The following NTM variants were observed in gnomAD, a reference collection of about 807,000 sequenced individuals.
NTM encodes the protein IgLON family member 2.
In NTM, 13 loss-of-function variants were observed where a neutral mutation model predicts 42.1. That is an observed-to-expected ratio of 0.31 (90% CI 0.20 to 0.49). The LOEUF is 0.49. Ranked by LOEUF, NTM falls within the 20% of genes least tolerant of loss-of-function variation. The pLI, the probability that NTM is intolerant of heterozygous loss-of-function variation, is 0.99. For synonymous variants in NTM, 187 were observed against 179.2 expected, an observed-to-expected ratio of 1.04 and a Z score of -0.35; for missense variants, 373 against 452.8, an observed-to-expected ratio of 0.82 and a Z score of 1.60.
chr11:131,542,660 T>C (rs2053432720), intron 1 of NTM, among the ~76,000 whole-genome samples: 1 of 151,970 alleles, frequency 6.6e-6, no homozygotes, highest in African/African-American at 2.4e-5. Context: ...CTTCTCACAA[T>C]CCCCCCTACT....
chr11:132,138,896 A>T (rs2068524551), intron 2 of NTM, among the ~76,000 whole-genome samples: 1 of 152,216 alleles, frequency 6.6e-6, no homozygotes, highest in African/African-American at 2.4e-5. Context: ...TACACCCAGA[A>T]ATAACGTGCT....
intron 3 of NTM, among the ~76,000 whole-genome samples, chr11:132,168,854 T>A (rs2075680459): frequency 6.6e-6 from 1 of 152,166 alleles, no homozygotes; most frequent in Admixed American, 6.5e-5. Flanking sequence ...GCACTATAAA[T>A]AAGGCTGTGG....
At chr11:131,995,290 G>T (rs550107378) in intron 2 of NTM, among the ~76,000 whole-genome samples, 2 of 152,216 alleles carry the variant, frequency 1.3e-5, no homozygotes, top group South Asian at 4.1e-4. Flanking sequence ...GCCACACAGT[G>T]GTCCAGGTGC....
intron 1 of NTM, among the ~76,000 whole-genome samples, chr11:131,494,243 T>C (rs149251063): frequency 6.6e-6 from 1 of 152,312 alleles, no homozygotes; most frequent in African/African-American, 2.4e-5. Flanking sequence ...CTAAGCTCTG[T>C]GAGGTAGCAG....
At chr11:132,122,188 G>A (rs1224340632) in intron 2 of NTM, among the ~76,000 whole-genome samples, 2 of 152,216 alleles carry the variant, frequency 1.3e-5, no homozygotes, top group Non-Finnish European at 2.9e-5. Context: ...TTCTCTTTGG[G>A]AAGATGTAGG....
At chr11:131,706,244 G>T (rs1592640412) in intron 1 of NTM, among the ~76,000 whole-genome samples, 1 of 151,708 alleles carries the variant, frequency 6.6e-6, no homozygotes, top group Non-Finnish European at 1.5e-5. Flanking sequence ...ACCAAAAAAG[G>T]CCATTATAAA....
chr11:131,379,771 A>G (rs980762547), intron 1 of NTM, among the ~76,000 whole-genome samples: 1 of 152,022 alleles, frequency 6.6e-6, no homozygotes, highest in Non-Finnish European at 1.5e-5. Context: ...TCTCCTCTTT[A>G]CTAGGTTAAA....
At chr11:131,826,137 A>G (rs1156707121) in intron 1 of NTM, among the ~76,000 whole-genome samples, 2 of 152,126 alleles carry the variant, frequency 1.3e-5, no homozygotes, top group Non-Finnish European at 2.9e-5. Context: ...AAGAGTGAAG[A>G]GGTGAAAGTA....
chr11:131,570,321 A>C (rs60244597), intron 1 of NTM, among the ~76,000 whole-genome samples: 1 of 151,574 alleles, frequency 6.6e-6, no homozygotes, highest in African/African-American at 2.4e-5. Context: ...CTCTAGTAAT[A>C]CTCCTCGGCC....
Position 131,490,191 on chromosome 11 carries a change from C to A in NTM, c.82+119303C>A, listed in dbSNP as rs1307152115. ...ATCCCTATGAACCAAACACCTCCTA[C>A]CAGGCCCCACTTCTAACCCTGGAAA... On this transcript the variant is annotated intron_variant, in intron 1 of 8. Transcript: ENST00000683400. Among the ~76,000 whole-genome samples the A allele has an allele frequency of 2.0e-5, 3 of 152,172 alleles. No homozygotes were observed. The South Asian group carries it at 6.2e-4, about 32-fold the overall frequency.
At chr11:131,887,762 G>A (rs1052746595) in intron 1 of NTM, among the ~76,000 whole-genome samples, 2 of 152,168 alleles carry the variant, frequency 1.3e-5, no homozygotes, top group Non-Finnish European at 2.9e-5. Flanking sequence ...TGCAAGCACA[G>A]GACCTCCTAC....
chr11:131,497,800 G>C (rs1955509080), intron 1 of NTM, among the ~76,000 whole-genome samples: 1 of 152,002 alleles, frequency 6.6e-6, no homozygotes, highest in Admixed American at 6.6e-5. Flanking sequence ...CTTGCCCCTA[G>C]TTTCAGTAAA....
chr11:132,295,556 C>T (rs1042980594), intron 4 of NTM, among the ~76,000 whole-genome samples: 1 of 152,134 alleles, frequency 6.6e-6, no homozygotes, highest in Non-Finnish European at 1.5e-5. Flanking sequence ...TTGAATGTGA[C>T]GAAAGGGTTC....
In NTM at chr11:132,055,648, TGAGA is replaced by T. The variant is rs143882473; in HGVS notation, c.168-90622_168-90619del. On this transcript the variant is annotated intron_variant, in intron 2 of 8. Coordinates refer to ENST00000683400, the MANE Select transcript of NTM (RefSeq NM_001352005.2). ...GTGTGTGTGCGTGTGCATGTGTGTGTGAGAGAGAGAGAGAGCGAGAGTGAGAGAG... is the reference window on the plus strand; with the variant it reads ...GTGTGTGTGCGTGTGCATGTGTGTGTGAGAGAGAGAGCGAGAGTGAGAGAG... 1.7e-4 allele frequency among the ~76,000 whole-genome samples: 24 copies of T among 139,832 alleles called. No homozygotes were observed. In the East Asian group the frequency reaches 2.2e-3, roughly 13 times the overall value. The allele number at this position is 139,832 out of a possible 152,430, so 91.7% of individuals were successfully genotyped here. A position where few individuals can be genotyped will look rare whatever the true frequency, so the allele number is the denominator to read the frequency against.
chr11:131,688,268 G>A (rs55895514), intron 1 of NTM, among the ~76,000 whole-genome samples: 1 of 152,098 alleles, frequency 6.6e-6, no homozygotes. Flanking sequence ...CTCCAGACAG[G>A]GGGGAAAGCA....
At chr11:131,621,936 A>G (rs970394775) in intron 1 of NTM, among the ~76,000 whole-genome samples, 1 of 152,124 alleles carries the variant, frequency 6.6e-6, no homozygotes, top group African/African-American at 2.4e-5. Flanking sequence ...ACAAAGAACC[A>G]TATAGAATCA....
At chr11:132,194,465 C>T (rs913574452) in intron 3 of NTM, among the ~76,000 whole-genome samples, 7 of 152,010 alleles carry the variant, frequency 4.6e-5, no homozygotes, top group East Asian at 1.9e-4. Context: ...AGGAACATGC[C>T]TCAAAATGAT....
intron 8 of NTM, among the ~76,000 whole-genome samples, chr11:132,333,678 C>T (rs1441043957): frequency 1.3e-5 from 2 of 152,158 alleles, no homozygotes. Context: ...TGGGGATCTG[C>T]ACCTCTGAGA....
chr11:131,456,301 G>C (rs1426153279), intron 1 of NTM, among the ~76,000 whole-genome samples: 1 of 152,164 alleles, frequency 6.6e-6, no homozygotes, highest in African/African-American at 2.4e-5. Flanking sequence ...GGCTAGCAGA[G>C]AATTATATTT....
Sources: gnomAD v4.1 joint callset for allele counts (sites outside exome capture counted in the v4.1 genomes callset) on GRCh38, gnomAD v4.1.1 for gene constraint, MANE v1.5 for transcripts, NCBI Gene and HGNC (gene_info 2026-07-23, HGNC 2026-07-21) for gene names.